The following FBXO3 variants were observed in gnomAD, a reference collection of about 807,000 sequenced individuals.
The protein encoded by FBXO3 is F-box only protein 3.
FBXO3 carries 17 observed loss-of-function variants against 64.8 expected under a neutral mutation model. That is an observed-to-expected ratio of 0.26 (90% CI 0.18 to 0.39). The LOEUF (loss-of-function observed/expected upper bound fraction) is 0.39, where lower values mean the gene tolerates loss of function less well. Among genes scored for constraint, FBXO3 ranks in the 10% least tolerant of loss-of-function variants. FBXO3 has a pLI of 1.00. For missense variants in FBXO3, 420 were observed against 589.9 expected, an observed-to-expected ratio of 0.71 and a Z score of 2.98; for synonymous variants, 182 against 201.6, an observed-to-expected ratio of 0.90 and a Z score of 0.82.
Position 33,760,414 on chromosome 11 carries a change from G to A in FBXO3, c.359-1813C>T, listed in dbSNP as rs191268153. On this transcript the variant is annotated intron_variant, in intron 3 of 10. Coordinates refer to ENST00000265651, the MANE Select transcript of FBXO3 (RefSeq NM_012175.4). ...TCCCAGCACTTTGGGAGGCTGAGGTGGGAGGGTGGCTTGAGGCCAGGAGTT... is the reference window on the plus strand; with the variant it reads ...TCCCAGCACTTTGGGAGGCTGAGGTAGGAGGGTGGCTTGAGGCCAGGAGTT... 2.6e-3 allele frequency among the ~76,000 whole-genome samples: 397 copies of A among 152,228 alleles called. 3 individuals are homozygous for A. Among genetic ancestry groups the A allele is most frequent in the African/African-American group, 9.0e-3 (376 of 41,552 alleles).
At chr11:33,757,556 T>C (rs1855132907) in intron 4 of FBXO3, among the ~76,000 whole-genome samples, 1 of 136,768 alleles carries the variant, frequency 7.3e-6, no homozygotes, top group Admixed American at 7.4e-5. Context: ...CAGTGGTATA[T>C]GCTTGTAGCC....
At chr11:33,774,363 C>T (rs1315374934) in intron 1 of FBXO3, 31 bp downstream of exon 1, 1 of 1,550,592 alleles carries the variant, frequency 6.4e-7, no homozygotes. Flanking sequence ...TCCCCATGCC[C>T]CCACCCCTGC....
intron 1 of FBXO3, chr11:33,773,310 A>G (rs1369086904): frequency 6.6e-6 from 1 of 152,248 alleles, no homozygotes; most frequent in Non-Finnish European, 1.5e-5. Context: ...AGGTACAGGT[A>G]GCGACCAGTA....
intron 9 of FBXO3, 148 bp from the exon 10 acceptor site, chr11:33,747,468 A>C: frequency 1.2e-5 from 8 of 644,570 alleles, no homozygotes; most frequent in East Asian, 3.0e-5. Context: ...ATGTAACAAA[A>C]TGTTAACAGT....
At chr11:33,769,862 T>TTG (rs1554947686) in intron 2 of FBXO3, among the ~76,000 whole-genome samples, 1 of 150,514 alleles carries the variant, frequency 6.6e-6, no homozygotes, top group African/African-American at 2.4e-5. Flanking sequence ...GGGTTTTTTT[T>TTG]TTTTTTTTTT....
intron 5 of FBXO3, 25 bp from the exon 6 acceptor site, chr11:33,754,525 G>A (rs369142966): frequency 6.5e-6 from 10 of 1,541,796 alleles, no homozygotes; most frequent in Admixed American, 5.9e-5. Flanking sequence ...GAATACAATC[G>A]ATAAAAACAC....
intron 1 of FBXO3, chr11:33,772,806 G>C (rs571904554): frequency 6.6e-5 from 10 of 151,592 alleles, no homozygotes; most frequent in Non-Finnish European, 1.5e-4. Context: ...GCAAGCCCTC[G>C]GGGAAAAAAA....
intron 3 of FBXO3, among the ~76,000 whole-genome samples, chr11:33,764,737 G>C (rs1488496215): frequency 6.6e-6 from 1 of 152,112 alleles, no homozygotes; most frequent in Non-Finnish European, 1.5e-5. Context: ...ACTTTGGGAG[G>C]CCTACACGGG....
Position 33,747,247 on chromosome 11 carries a change from T to A in FBXO3, c.1122A>T (p.Gly374=). ...GGAAGGTATAATATCCTTCCATGTA[T>A]CCTGATGTTGTAGAGAATGTGGTAC... ...TSCTTFSTTS[G]YMEGYYTFHF... Residue 374 remains glycine (G), a synonymous_variant, in exon 10 of 11, where the codon GGA becomes GGT. Transcript: ENST00000265651. 6.2e-7 allele frequency: 1 copy of A among 1,613,500 alleles called. No homozygotes were observed. The highest frequency in any genetic ancestry group is 1.1e-5 in the South Asian group (1 of 91,022).
chr11:33,752,755 A>G (rs1237263514), intron 6 of FBXO3, among the ~76,000 whole-genome samples: 1 of 152,024 alleles, frequency 6.6e-6, no homozygotes, highest in Admixed American at 6.6e-5. Flanking sequence ...CATAGAAGGT[A>G]TAATTTTACG....
Position 33,750,719 on chromosome 11 carries a change from T to C in FBXO3, c.810-58A>G, listed in dbSNP as rs200710869. On this transcript the variant is annotated intron_variant, in intron 7 of 10. Transcript: ENST00000265651. Reference sequence around the variant, plus strand: ...CAACTACAGGATTTAAAAGATACGATGCAAAATAGGTTATACTTTAGGACA... The same window carrying C: ...CAACTACAGGATTTAAAAGATACGACGCAAAATAGGTTATACTTTAGGACA... 1,438 of 1,510,430 alleles carry C rather than the reference T, an allele frequency of 9.5e-4. 3 individuals are homozygous for C. Among genetic ancestry groups the C allele is most frequent in the Middle Eastern group, 5.9e-3 (34 of 5,798 alleles). 93.6% of individuals were successfully genotyped at this position (1,510,430 alleles called of 1,614,324 possible).
intron 2 of FBXO3, among the ~76,000 whole-genome samples, chr11:33,769,521 G>C (rs1001952345): frequency 1.3e-5 from 2 of 151,908 alleles, no homozygotes; most frequent in Admixed American, 1.3e-4. Flanking sequence ...AGCCACTGAG[G>C]ATATAAAAAA....
At position 33,741,816 on chromosome 11, in the gene FBXO3, T is replaced by C. The variant is rs1854692597; in HGVS notation, c.*92A>G. On this transcript the variant is annotated 3_prime_UTR_variant, in exon 11 of 11. Coordinates refer to ENST00000265651, the MANE Select transcript of FBXO3 (RefSeq NM_012175.4). ...CAATATTTCATGCTAGTTTTCCTGC[T>C]ATATGCAGAGAACAATTTAGTTATT... 7.9e-7 allele frequency: 1 copy of C among 1,259,894 alleles called. No homozygotes were observed. The highest frequency in any genetic ancestry group is 2.0e-5 in the South Asian group (1 of 48,880). 78.0% of individuals were successfully genotyped at this position (1,259,894 alleles called of 1,614,324 possible). A position where few individuals can be genotyped will look rare whatever the true frequency, so the allele number is the denominator to read the frequency against.
intron 7 of FBXO3, among the ~76,000 whole-genome samples, chr11:33,751,066 A>G (rs1323882984): frequency 6.6e-6 from 1 of 152,188 alleles, no homozygotes; most frequent in Non-Finnish European, 1.5e-5. Flanking sequence ...TCTAATGTAT[A>G]ATCAATCTAT....
chr11:33,774,475 G>A lies in FBXO3; in HGVS notation c.23C>T (p.Thr8Met), dbSNP rs756787082. Residue 8 changes from threonine to methionine, a missense_variant, in exon 1 of 11, where the codon ACG (threonine) becomes ATG (methionine). By Grantham distance (81) the Thr-to-Met change is moderately conservative. Transcript: ENST00000265651. ...CAGCGACTCTAGGGTCAGCGGCGCC[G>A]TCTCGGTCTCCATGGCCGCCATCTT... The part of the protein sequence containing the change: MAAMETE[T>M]APLTLESLPT... 6.3e-6 allele frequency: 10 copies of A among 1,581,948 alleles called. No homozygotes were observed. The highest frequency in any genetic ancestry group is 1.1e-5 in the South Asian group (1 of 87,394).
chr11:33,765,424 G>GT (rs776862805), intron 3 of FBXO3, among the ~76,000 whole-genome samples: 53 of 152,248 alleles, frequency 3.5e-4, no homozygotes, highest in Non-Finnish European at 6.2e-4. Context: ...CACTTAACAT[G>GT]TAACATTAAC....
chr11:33,774,364 C>A, intron 1 of FBXO3, 30 bp downstream of exon 1: 3 of 1,553,226 alleles, frequency 1.9e-6, no homozygotes, highest in South Asian at 2.3e-5. Context: ...CCCCATGCCC[C>A]CACCCCTGCC....
At chr11:33,747,374 C>T (rs1854840990) in intron 9 of FBXO3, 54 bp from the exon 10 acceptor site, 3 of 1,397,624 alleles carry the variant, frequency 2.1e-6, no homozygotes, top group East Asian at 2.3e-5. Context: ...TTCTTTATTA[C>T]AATAAATAAG....
chr11:33,746,466 A>G (rs2133593076), intron 10 of FBXO3: 1 of 499,428 alleles, frequency 2.0e-6, no homozygotes, highest in East Asian at 3.0e-5. Context: ...TCCAAACTTA[A>G]ACCCATCCAT....
Sources: gnomAD v4.1 joint callset for allele counts (sites outside exome capture counted in the v4.1 genomes callset) on GRCh38, gnomAD v4.1.1 for gene constraint, MANE v1.5 for transcripts, NCBI Gene and HGNC (gene_info 2026-07-23, HGNC 2026-07-21) for gene names.